CLSTN1: variants seen among roughly 807,000 people sequenced by gnomAD.
The protein encoded by CLSTN1 is calsyntenin-1.
A neutral mutation model predicts 108.3 loss-of-function variants in CLSTN1; 28 were observed. The observed-to-expected ratio is 0.26, with a 90% CI of 0.19 to 0.35. The LOEUF (loss-of-function observed/expected upper bound fraction) is 0.35. CLSTN1 is among the 10% of genes least tolerant of loss of function. CLSTN1 has a pLI of 1.00. For synonymous variants in CLSTN1, 524 were observed against 534.9 expected (o/e 0.98, Z 0.28); for missense variants, 1,157 against 1,302.6 (o/e 0.89, Z 1.72).
At chr1:9,775,946 AAGAC>A (rs1171734971) in intron 1 of CLSTN1, among the ~76,000 whole-genome samples, 26 of 150,936 alleles carry the variant, frequency 1.7e-4, no homozygotes, top group Non-Finnish European at 3.2e-4. Flanking sequence ...ATCTGGAAGG[AAGAC>A]AGACCAGAAC....
At chr1:9,785,651 G>A (rs1162783224) in intron 1 of CLSTN1, among the ~76,000 whole-genome samples, 1 of 151,908 alleles carries the variant, frequency 6.6e-6, no homozygotes, top group Non-Finnish European at 1.5e-5. Flanking sequence ...AGATCCCCTG[G>A]GGGCAATCCT....
Position 9,820,495 on chromosome 1 carries a change from G to A in CLSTN1, c.91+3148C>T, listed in dbSNP as rs147221813. Among the ~76,000 whole-genome samples the A allele has an allele frequency of 6.1e-3, 922 of 151,988 alleles. 13 individuals are homozygous for A. Among genetic ancestry groups the A allele is most frequent in the African/African-American group, 0.021 (878 of 41,448 alleles). ...GATCGCGCCATTGCACTCCAGCCTGGGTGACAGAATGAGACTCTGTCACAA... is the reference window on the plus strand; with the variant it reads ...GATCGCGCCATTGCACTCCAGCCTGAGTGACAGAATGAGACTCTGTCACAA... On this transcript the variant is annotated intron_variant, in intron 1 of 18. Transcript: ENST00000377298.
chr1:9,752,247 G>A (rs1338481407), intron 4 of CLSTN1, among the ~76,000 whole-genome samples: 10 of 152,122 alleles, frequency 6.6e-5, no homozygotes, highest in Non-Finnish European at 1.5e-4. Flanking sequence ...GAGGCAGGCC[G>A]TTGCCACCTG....
At chr1:9,755,956 T>C (rs553608859) in intron 3 of CLSTN1, among the ~76,000 whole-genome samples, 15 of 152,190 alleles carry the variant, frequency 9.9e-5, no homozygotes, top group Non-Finnish European at 1.3e-4. Context: ...ACACAGTTTC[T>C]ATTATGGGAG....
intron 3 of CLSTN1, among the ~76,000 whole-genome samples, chr1:9,755,830 T>C (rs1476800392): frequency 6.6e-6 from 1 of 151,826 alleles, no homozygotes; most frequent in African/African-American, 2.4e-5. Flanking sequence ...CAAGTCTTCC[T>C]GTGCAATGAG....
chr1:9,766,702 G>A (rs1652353428), intron 2 of CLSTN1, among the ~76,000 whole-genome samples: 1 of 152,150 alleles, frequency 6.6e-6, no homozygotes, highest in Non-Finnish European at 1.5e-5. Context: ...ATTGTTTTCT[G>A]ACCCATGACT....
chr1:9,760,201 G>C (rs543963594), intron 2 of CLSTN1, among the ~76,000 whole-genome samples: 1 of 152,182 alleles, frequency 6.6e-6, no homozygotes, highest in Admixed American at 6.5e-5. Context: ...TCCACCAACA[G>C]GATATGGTGC....
intron 9 of CLSTN1, 86 bp from the exon 10 acceptor site, chr1:9,741,342 A>G: frequency 2.3e-6 from 3 of 1,312,922 alleles, no homozygotes; most frequent in East Asian, 2.3e-5. Flanking sequence ...ACCCAACACA[A>G]GGGTCTTCCT....
rs762655989 is a variant in CLSTN1, at chr1:9,735,141, G to A, written c.1917C>T (p.Pro639=). The A allele has an allele frequency of 2.5e-6, 4 of 1,614,218 alleles. No homozygotes were observed. The South Asian group carries it at 4.4e-5, about 18-fold the overall frequency. The change falls in exon 14 of 19, where the codon CCC becomes CCT. Residue 639 remains proline (P), a synonymous_variant. Transcript: ENST00000377298. Reference sequence around the variant, plus strand: ...AAACCATCACGTAGCCATCTACCGGGGGGACCGAAATGCAGGTGGCCTCGT... The same window carrying A: ...AAACCATCACGTAGCCATCTACCGGAGGGACCGAAATGCAGGTGGCCTCGT... ...CFNEATCISV[P]PVDGYVMVLQ...
rs1650951165 is a variant in CLSTN1, at chr1:9,740,948, A to G, written c.1519+146T>C. ...AGAGTGGGGTAACGGCAGTGTCCCCAAAAAGGCTGTACACAGGAAATGGAA... is the reference window on the plus strand; with the variant it reads ...AGAGTGGGGTAACGGCAGTGTCCCCGAAAAGGCTGTACACAGGAAATGGAA... On this transcript the variant is annotated intron_variant, in intron 10 of 18. Transcript: ENST00000377298. 3.4e-6 allele frequency: 3 copies of G among 874,858 alleles called. 1 individual carries two copies. The South Asian group carries it at 5.2e-5, about 15-fold the overall frequency. The allele number at this position is 874,858 out of a possible 1,614,324, so 54.2% of individuals were successfully genotyped here. A position where few individuals can be genotyped will look rare whatever the true frequency, so the allele number is the denominator to read the frequency against.
chr1:9,741,649 G>A (rs149073662), intron 9 of CLSTN1, among the ~76,000 whole-genome samples: 4,745 of 152,266 alleles, frequency 0.031, 99 homozygotes, highest in Admixed American at 0.045. Flanking sequence ...CAGTGGCTCA[G>A]GCCTGTAATC....
Position 9,734,102 on chromosome 1 carries a change from C to T in CLSTN1, c.2151G>A (p.Leu717=), listed in dbSNP as rs1650553750. 1 of 1,614,182 alleles carries T rather than the reference C, an allele frequency of 6.2e-7. No homozygotes were observed. The highest frequency in any genetic ancestry group is 8.5e-7 in the Non-Finnish European group (1 of 1,180,022). Residue 717 remains leucine, a synonymous_variant, in exon 15 of 19, where the codon CTG becomes CTA. Coordinates refer to ENST00000377298, the MANE Select transcript of CLSTN1 (RefSeq NM_001009566.3). The surrounding 1 kb of genome is among the most constrained non-coding windows in gnomAD (Gnocchi z 4.8). ...SLVSEEIVHD[L]DTCEVTVEGE... is the part of the protein sequence containing the mutation. ...CCTCCACCGTGACCTCACAGGTATC[C>T]AGGTCGTGCACGATCTCCTCGGACA...
intron 1 of CLSTN1, among the ~76,000 whole-genome samples, chr1:9,790,545 A>G (rs1653716645): frequency 6.6e-6 from 1 of 151,350 alleles, no homozygotes. Flanking sequence ...GGACTTTTTA[A>G]ATGTTTTGTT....
At chr1:9,781,770 C>T (rs1653262363) in intron 1 of CLSTN1, among the ~76,000 whole-genome samples, 1 of 151,976 alleles carries the variant, frequency 6.6e-6, no homozygotes, top group Admixed American at 6.6e-5. Flanking sequence ...GGCTCTAATG[C>T]TTCCACATCG....
rs1457947100 is a variant in CLSTN1 at position 9,735,924 on chromosome 1, C to T, written c.1695G>A (p.Leu565=). 6.2e-7 allele frequency: 1 copy of T among 1,614,196 alleles called. No homozygotes were observed. Residue 565 remains leucine, a synonymous_variant, in exon 12 of 19, where the codon CTG becomes CTA. Transcript: ENST00000377298. ...CACTGTCTTCGAGGACCTGCAGGTC[C>T]AGCCCCTCCTTGCAGGTATACAGAC... ...IDCLYTCKEG[L]DLQVLEDSGR... is the part of the protein sequence containing the mutation.
At chr1:9,803,792 A>G (rs59901978) in intron 1 of CLSTN1, among the ~76,000 whole-genome samples, 3,302 of 152,004 alleles carry the variant, frequency 0.022, 138 homozygotes, top group African/African-American at 0.071. Context: ...ACAGAGCAAG[A>G]CTCCATCTTA....
rs919263079 is a variant in CLSTN1 at position 9,817,597 on chromosome 1, G to C, written c.91+6046C>G. 2.6e-5 allele frequency among the ~76,000 whole-genome samples: 4 copies of C among 152,240 alleles called. No homozygotes were observed. The East Asian group carries it at 7.7e-4, about 29-fold the overall frequency. ...CCTGCCTCGGCCTCCCAAAGTGCTG[G>C]GATTACAGTTGTGAGCCACTGCACC... On this transcript the variant is annotated intron_variant, in intron 1 of 18. Transcript: ENST00000377298.
intron 1 of CLSTN1, among the ~76,000 whole-genome samples, chr1:9,808,698 G>C (rs76085206): frequency 6.6e-6 from 1 of 151,962 alleles, no homozygotes; most frequent in African/African-American, 2.4e-5. Context: ...ACACGTGCCC[G>C]AGCTCTCAGG....
At chr1:9,824,212 T>G (rs1353122397), upstream of CLSTN1, 1 of 148,616 alleles carries the variant, frequency 6.7e-6, no homozygotes, top group Non-Finnish European at 1.5e-5. The surrounding 1 kb of genome is among the most constrained non-coding windows in gnomAD (Gnocchi z 5.0). Context: ...TGGGGTGGGT[T>G]CCGAGCGGCC....
Sources: allele counts gnomAD v4.1 joint callset (sites outside exome capture counted in the v4.1 genomes callset), GRCh38; gene constraint gnomAD v4.1.1; non-coding constraint Gnocchi (gnomAD v3.1); transcripts MANE v1.5; gene names NCBI Gene and HGNC (gene_info 2026-07-23, HGNC 2026-07-21).